NCAPH: variants seen among roughly 807,000 people sequenced by gnomAD.
NCAPH encodes the protein condensin complex subunit 2.
Under a neutral mutation model 85.5 loss-of-function variants are expected in NCAPH, and 38 were observed. The observed-to-expected ratio is 0.44, with a 90% confidence interval of 0.34 to 0.58. The LOEUF (loss-of-function observed/expected upper bound fraction) is 0.58, where lower values mean the gene tolerates loss of function less well. Ranked by LOEUF, NCAPH falls within the 20% of genes least tolerant of loss-of-function variation. NCAPH has a pLI of 0.01. For synonymous variants in NCAPH, 301 were observed against 335.1 expected, an observed-to-expected ratio of 0.90 and a Z score of 1.11; for missense variants, 789 against 916.6, an observed-to-expected ratio of 0.86 and a Z score of 1.80.
chr2:96,347,012 T>C (rs567643259), intron 6 of NCAPH, among the ~76,000 whole-genome samples: 1 of 152,288 alleles, frequency 6.6e-6, no homozygotes, highest in South Asian at 2.1e-4. Flanking sequence ...TACTAAGATC[T>C]TCTGAGAAGA....
intron 16 of NCAPH, among the ~76,000 whole-genome samples, 160 bp downstream of exon 16, chr2:96,369,223 G>A (rs1383919323): frequency 6.6e-6 from 1 of 152,160 alleles, no homozygotes; most frequent in South Asian, 2.1e-4. Flanking sequence ...TTAAAAAGGC[G>A]TTTTTCTGTG....
chr2:96,348,965 C>T (rs922183647), intron 6 of NCAPH, among the ~76,000 whole-genome samples: 5 of 152,090 alleles, frequency 3.3e-5, no homozygotes, highest in Non-Finnish European at 7.4e-5. Context: ...GTCATTCTTG[C>T]TTTTGATTCT....
rs1221346789 is a variant in NCAPH, at chr2:96,373,980, G to A, written c.*629G>A. 1 of 152,262 alleles carries A rather than the reference G, an allele frequency of 6.6e-6. No individual in the cohort carries two copies. The highest frequency in any genetic ancestry group is 2.4e-5 in the African/African-American group (1 of 41,466). 9.4% of individuals were successfully genotyped at this position (152,262 alleles called of 1,614,324 possible). A position where few individuals can be genotyped will look rare whatever the true frequency, so the allele number is the denominator to read the frequency against. ...AGGGCCAAGATGGTTTGCCTCGGAG[G>A]AGAATGGAAGAGAGAGATTGCTGAC... On this transcript the variant is annotated 3_prime_UTR_variant, in exon 18 of 18. Transcript: ENST00000240423.
At chr2:96,365,708 G>A (rs923139029) in intron 13 of NCAPH, among the ~76,000 whole-genome samples, 168 bp from the exon 14 acceptor site, 2 of 152,176 alleles carry the variant, frequency 1.3e-5, no homozygotes, top group African/African-American at 2.4e-5. Flanking sequence ...TAGGGTTTAC[G>A]TGAAACAGGA....
rs146336213 is a variant in NCAPH at position 96,348,691 on chromosome 2, T to C, written c.721-3140T>C. Reference sequence around the variant, plus strand: ...TTTTTTTTGAGACAGGGTCTCGCTCTGTGGCCCAGGCTGGAGTGCAGTGGC... The same window carrying C: ...TTTTTTTTGAGACAGGGTCTCGCTCCGTGGCCCAGGCTGGAGTGCAGTGGC... On this transcript the variant is annotated intron_variant, in intron 6 of 17. Coordinates refer to ENST00000240423, the MANE Select transcript of NCAPH (RefSeq NM_015341.5). Among the ~76,000 whole-genome samples, 581 of 150,690 alleles carry C rather than the reference T, an allele frequency of 3.9e-3. 4 individuals carry two copies. The highest frequency in any genetic ancestry group is 5.5e-3 in the Non-Finnish European group (370 of 67,466).
Position 96,361,834 on chromosome 2 carries a change from T to A in NCAPH, c.1587+1124T>A, listed in dbSNP as rs867425697. ...TATATATATATATATATATATTTTTTTTTTTTTTTCCCTGAATTGACTGAT... is the reference window on the plus strand; with the variant it reads ...TATATATATATATATATATATTTTTATTTTTTTTTCCCTGAATTGACTGAT... On this transcript the variant is annotated intron_variant, in intron 12 of 17. Transcript: ENST00000240423. Among the ~76,000 whole-genome samples, 1,236 of 138,158 alleles carry A rather than the reference T, an allele frequency of 8.9e-3. 12 individuals carry two copies. The highest frequency in any genetic ancestry group is 0.037 in the South Asian group (162 of 4,320). 90.6% of individuals were successfully genotyped at this position (138,158 alleles called of 152,430 possible). A position where few individuals can be genotyped will look rare whatever the true frequency, so the allele number is the denominator to read the frequency against.
chr2:96,346,101 T>G (rs772946109), intron 6 of NCAPH, among the ~76,000 whole-genome samples: 9 of 152,148 alleles, frequency 5.9e-5, no homozygotes, highest in Non-Finnish European at 1.3e-4. Context: ...GCCAGGCTGA[T>G]GTCCTTGCGC....
In NCAPH at chr2:96,365,974, A is replaced by C; in HGVS notation, c.1797A>C (p.Ala599=). 1 of 1,614,244 alleles carries C rather than the reference A, an allele frequency of 6.2e-7. No homozygotes were observed. Among genetic ancestry groups the C allele is most frequent in the South Asian group, 1.1e-5 (1 of 91,082 alleles). The stretch of plus-strand genomic sequence containing the variant: ...ATCCTTGCCATCCACCTAAGACAGC[A>C]CAACAGAATGGTGACACTCCAGAAG... ...SPYPCHPPKT[A]QQNGDTPEAQ... Residue 599 remains alanine, a synonymous_variant, in exon 14 of 18, where the codon GCA becomes GCC. Transcript: ENST00000240423.
At chr2:96,372,537 G>A (rs906881525) in intron 17 of NCAPH, among the ~76,000 whole-genome samples, 1 of 152,152 alleles carries the variant, frequency 6.6e-6, no homozygotes, top group Non-Finnish European at 1.5e-5. Context: ...TAAGTTTTAA[G>A]TTGCAACTCT....
At chr2:96,358,214 C>T (rs2064550011) in intron 9 of NCAPH, among the ~76,000 whole-genome samples, 1 of 152,202 alleles carries the variant, frequency 6.6e-6, no homozygotes, top group Non-Finnish European at 1.5e-5. Context: ...GCTGGATGAC[C>T]TAACAGATTA....
intron 1 of NCAPH, among the ~76,000 whole-genome samples, chr2:96,337,299 T>G (rs1162156541): frequency 6.6e-6 from 1 of 152,244 alleles, no homozygotes; most frequent in Non-Finnish European, 1.5e-5. Flanking sequence ...AAGGTCCAGG[T>G]TCCTTCCTTA....
intron 17 of NCAPH, among the ~76,000 whole-genome samples, chr2:96,370,087 G>A (rs1007303320): frequency 3.3e-5 from 5 of 152,186 alleles, no homozygotes; most frequent in African/African-American, 1.2e-4. Context: ...ATTTTCTCAG[G>A]AGCCGAGTGG....
rs2305935 is a variant in NCAPH at position 96,364,509 on chromosome 2, T to C, written c.1616T>C (p.Val539Ala). The change falls in exon 13 of 18, where the codon GTA becomes GCA. Residue 539 changes from valine to alanine, a missense_variant. Transcript: ENST00000240423. The stretch of plus-strand genomic sequence containing the variant: ...CTTAAGATGGCCCAGGGCCATAGGG[T>C]AGAGACTGAGCATTATGAAGAAATT... The part of the protein sequence containing the change: ...RLLKMAQGHR[V>A]ETEHYEEIED... 545,891 of 1,610,056 alleles carry C rather than the reference T, an allele frequency of 0.34. 100,416 individuals are homozygous for C. Among genetic ancestry groups the C allele is most frequent in the South Asian group, 0.68 (62,281 of 90,958 alleles).
chr2:96,355,141 A>AC (rs1429691015), intron 9 of NCAPH, among the ~76,000 whole-genome samples: 1 of 152,224 alleles, frequency 6.6e-6, no homozygotes, highest in Non-Finnish European at 1.5e-5. Flanking sequence ...ACCCTAGTAA[A>AC]CATCATAAAA....
chr2:96,366,256 T>A (rs1011363490), intron 14 of NCAPH, among the ~76,000 whole-genome samples, 198 bp downstream of exon 14: 2 of 152,170 alleles, frequency 1.3e-5, no homozygotes, highest in Non-Finnish European at 2.9e-5. Flanking sequence ...TCCAAAGACC[T>A]TGATAAGACA....
intron 11 of NCAPH, among the ~76,000 whole-genome samples, 158 bp from the exon 12 acceptor site, chr2:96,360,429 TA>T (rs1189980548): frequency 6.6e-6 from 1 of 152,158 alleles, no homozygotes; most frequent in African/African-American, 2.4e-5. Context: ...AAATTTAGAA[TA>T]AAAAGAATAA....
At chr2:96,340,121 C>G (rs2064271633) in intron 1 of NCAPH, among the ~76,000 whole-genome samples, 1 of 151,890 alleles carries the variant, frequency 6.6e-6, no homozygotes, top group African/African-American at 2.4e-5. Context: ...CAGGGTTTCA[C>G]CATGTTGACC....
chr2:96,351,667 C>CAAAAAA (rs368668931), intron 6 of NCAPH, among the ~76,000 whole-genome samples, 164 bp from the exon 7 acceptor site: 7 of 54,192 alleles, frequency 1.3e-4, no homozygotes, highest in Admixed American at 2.1e-4. Context: ...GACTCCATCT[C>CAAAAAA]AAAAAAAAAA....
At chr2:96,338,226 A>C (rs1573059282) in intron 1 of NCAPH, among the ~76,000 whole-genome samples, 3 of 100,682 alleles carry the variant, frequency 3.0e-5, no homozygotes, top group Non-Finnish European at 3.8e-5. Flanking sequence ...CCTTGTTTTT[A>C]CTTCCTATTT....
Sources: allele counts gnomAD v4.1 joint callset (sites outside exome capture counted in the v4.1 genomes callset), GRCh38; gene constraint gnomAD v4.1.1; transcripts MANE v1.5; gene names NCBI Gene and HGNC (gene_info 2026-07-23, HGNC 2026-07-21).